The following EML5 variants were observed in gnomAD, a reference collection of about 807,000 sequenced individuals.
EML5 encodes EMAP like 5, also known as echinoderm microtubule-associated protein-like 5.
Under a neutral mutation model 250.0 loss-of-function variants are expected in EML5, and 120 were observed. The ratio of observed to expected loss-of-function variants is 0.48; its 90% CI spans 0.41 to 0.56. EML5 has a LOEUF of 0.56. Among genes scored for constraint, EML5 ranks in the 20% least tolerant of loss-of-function variants. The pLI is 0.00. For missense variants in EML5, 2,006 were observed against 2,437.6 expected (o/e 0.82, Z 3.73); for synonymous variants, 771 against 806.5 (o/e 0.96, Z 0.75).
At chr14:88,743,902 T>C (rs1376895623) in intron 4 of EML5, 121 bp downstream of exon 4, 1 of 500,694 alleles carries the variant, frequency 2.0e-6, no homozygotes, top group Non-Finnish European at 3.4e-6. Flanking sequence ...ATAAAAACAT[T>C]GCCATTTTAA....
intron 33 of EML5, among the ~76,000 whole-genome samples, chr14:88,633,937 A>AT (rs2090581064): frequency 6.6e-6 from 1 of 152,098 alleles, no homozygotes; most frequent in Admixed American, 6.6e-5. Context: ...ATTACCACAG[A>AT]TTGAGTTCAG....
chr14:88,739,707 G>A (rs1352073651), intron 5 of EML5, among the ~76,000 whole-genome samples: 1 of 151,962 alleles, frequency 6.6e-6, no homozygotes, highest in Non-Finnish European at 1.5e-5. Context: ...CAAACAGATT[G>A]GAGAAATATT....
At chr14:88,699,918 A>G (rs2093168399) in intron 14 of EML5, among the ~76,000 whole-genome samples, 1 of 152,180 alleles carries the variant, frequency 6.6e-6, no homozygotes, top group African/African-American at 2.4e-5. Context: ...CCCACAAGAC[A>G]TCTAAATCAG....
chr14:88,743,971 T>A (rs1412678825), intron 4 of EML5, 52 bp downstream of exon 4: 4 of 1,272,102 alleles, frequency 3.1e-6, no homozygotes, highest in Non-Finnish European at 4.3e-6. Flanking sequence ...CAATATATAC[T>A]TAGCAGCAGA....
chr14:88,617,109 AT>A (rs765331031), intron 41 of EML5: 117 of 385,466 alleles, frequency 3.0e-4, no homozygotes, highest in Non-Finnish European at 4.2e-4. Context: ...TCTTTTTAAG[AT>A]TAAAGTAGTA....
chr14:88,782,891 C>A (rs1341867818), intron 1 of EML5, among the ~76,000 whole-genome samples: 2 of 152,064 alleles, frequency 1.3e-5, no homozygotes, highest in South Asian at 2.1e-4. Flanking sequence ...ATCAGCCGGG[C>A]CAACATGGTG....
rs77921110 is a variant in EML5, at chr14:88,788,250, G to A, written c.197+4057C>T. Among the ~76,000 whole-genome samples the A allele has an allele frequency of 5.4e-3, 819 of 152,130 alleles. 7 individuals carry two copies. The highest frequency in any genetic ancestry group is 0.024 in the East Asian group (124 of 5,182). ...TTTTCCAATTACAATTTTGACTTGC[G>A]TTGAATAAATTAAGTTTCTATACCA... On this transcript the variant is annotated intron_variant, in intron 1 of 43. Transcript: ENST00000554922.
intron 21 of EML5, among the ~76,000 whole-genome samples, chr14:88,669,173 G>A (rs569490131): frequency 8.5e-5 from 13 of 152,272 alleles, no homozygotes; most frequent in Non-Finnish European, 1.3e-4. Context: ...GCAACTGGTG[G>A]ATCAGGAGAT....
At chr14:88,705,372 A>G (rs560094772) in intron 12 of EML5, 110 bp downstream of exon 12, 6 of 845,016 alleles carry the variant, frequency 7.1e-6, no homozygotes, top group African/African-American at 5.1e-5. Context: ...ATAGTCATAC[A>G]TTGCTTGAGA....
chr14:88,707,751 GTAGCTTAATA>G (rs975624747), intron 10 of EML5, among the ~76,000 whole-genome samples: 11 of 152,046 alleles, frequency 7.2e-5, no homozygotes, highest in East Asian at 3.9e-4. Flanking sequence ...AATTTTTTAT[GTAGCTTAATA>G]TAAGTCACTA....
chr14:88,744,840 A>G (rs1311395204), intron 3 of EML5, among the ~76,000 whole-genome samples: 3 of 152,068 alleles, frequency 2.0e-5, no homozygotes, highest in African/African-American at 7.2e-5. Flanking sequence ...TTGGTATACT[A>G]AAATGTACAC....
chr14:88,720,360 A>G (rs1013972809), intron 8 of EML5, among the ~76,000 whole-genome samples: 2 of 152,212 alleles, frequency 1.3e-5, no homozygotes, highest in Non-Finnish European at 2.9e-5. Flanking sequence ...TCCCTGATGA[A>G]TATCAATGCA....
Position 88,715,099 on chromosome 14 carries a change from A to G in EML5, c.1284T>C (p.Asn428=). The G allele has an allele frequency of 6.2e-7, 1 of 1,613,740 alleles. No homozygotes were observed. Residue 428 remains asparagine, a synonymous_variant, in exon 9 of 44, where the codon AAT becomes AAC. Coordinates refer to ENST00000554922, the MANE Select transcript of EML5 (RefSeq NM_183387.3). ...PDGTYLAVGC[N]DSSVDIYGVA... is the part of the protein sequence containing the mutation. ...CTCCATAAATATCAACCGAGCTGTC[A>G]TTGCATCCAACAGCAAGGTAAGTTC...
intron 32 of EML5, among the ~76,000 whole-genome samples, chr14:88,636,672 CAAAT>C (rs1228564603): frequency 1.3e-5 from 2 of 151,898 alleles, no homozygotes; most frequent in Admixed American, 6.6e-5. Flanking sequence ...AACAAAGAAA[CAAAT>C]AAAAGATAAG....
At chr14:88,780,926 A>T (rs1049979716) in intron 1 of EML5, among the ~76,000 whole-genome samples, 4 of 152,158 alleles carry the variant, frequency 2.6e-5, no homozygotes, top group African/African-American at 9.7e-5. Flanking sequence ...AACTGATAAG[A>T]TGTTAATCAT....
chr14:88,707,079 G>A (rs1254540225), intron 10 of EML5, among the ~76,000 whole-genome samples: 2 of 152,114 alleles, frequency 1.3e-5, no homozygotes, highest in Non-Finnish European at 2.9e-5. Context: ...TTCAGGTGAT[G>A]TGTTTTGGGT....
At chr14:88,743,921 A>C in intron 4 of EML5, 102 bp downstream of exon 4, 1 of 584,792 alleles carries the variant, frequency 1.7e-6, no homozygotes, top group Non-Finnish European at 2.8e-6. Flanking sequence ...AAAAATAAGT[A>C]CTATCAAAAT....
intron 1 of EML5, among the ~76,000 whole-genome samples, chr14:88,757,166 C>T (rs2140409832): frequency 6.6e-6 from 1 of 152,246 alleles, no homozygotes; most frequent in South Asian, 2.1e-4. Context: ...GAAGTAAACC[C>T]ATACATTTGT....
At chr14:88,674,454 G>A (rs2092547926) in intron 21 of EML5, among the ~76,000 whole-genome samples, 1 of 152,088 alleles carries the variant, frequency 6.6e-6, no homozygotes, top group South Asian at 2.1e-4. Context: ...GTACAAACAG[G>A]TGAAATCCCA....
Sources: allele counts gnomAD v4.1 joint callset (sites outside exome capture counted in the v4.1 genomes callset), GRCh38; gene constraint gnomAD v4.1.1; transcripts MANE v1.5; gene names NCBI Gene and HGNC (gene_info 2026-07-23, HGNC 2026-07-21).